TSPAN7: variants seen among roughly 807,000 people sequenced by gnomAD.
The protein encoded by TSPAN7 is tetraspanin 7.
In TSPAN7, 1 loss-of-function variant was observed where a neutral mutation model predicts 17.6. That is an observed-to-expected ratio of 0.06 (90% CI 0.02 to 0.27). The LOEUF (loss-of-function observed/expected upper bound fraction) is 0.27, where lower values mean the gene tolerates loss of function less well. Ranked by LOEUF, TSPAN7 falls within the 10% of genes least tolerant of loss-of-function variation. The pLI, the probability that TSPAN7 is intolerant of heterozygous loss-of-function variation, is 1.00. For missense variants in TSPAN7, 112 were observed against 201.7 expected, an observed-to-expected ratio of 0.56 and a Z score of 2.69; for synonymous variants, 78 against 79.0, an observed-to-expected ratio of 0.99 and a Z score of 0.07.
intron 1 of TSPAN7, among the ~76,000 whole-genome samples, chrX:38,569,524 T>C (rs779646193): frequency 1.8e-5 from 2 of 108,853 alleles, no homozygotes; most frequent in South Asian, 8.4e-4. Context: ...TAATTGTTTT[T>C]CGAAAAACTC....
At chrX:38,637,733 G>A (rs1329991466) in intron 1 of TSPAN7, among the ~76,000 whole-genome samples, 1 of 112,544 alleles carries the variant, frequency 8.9e-6, no homozygotes, top group African/African-American at 3.2e-5. Context: ...TGTGCCACAC[G>A]GGTGGTCCGT....
At chrX:38,586,134 T>C (rs2069257677) in intron 1 of TSPAN7, among the ~76,000 whole-genome samples, 1 of 112,605 alleles carries the variant, frequency 8.9e-6, no homozygotes, top group South Asian at 3.7e-4. Context: ...AGGCATTTTC[T>C]TTTAAGTCCT....
At chrX:38,596,484 A>C (rs777334232) in intron 1 of TSPAN7, among the ~76,000 whole-genome samples, 23 of 111,787 alleles carry the variant, frequency 2.1e-4, no homozygotes, top group Admixed American at 4.8e-4. Flanking sequence ...TTTAGTATCT[A>C]ATATATAACC....
chrX:38,588,750 C>G (rs2069273259), intron 1 of TSPAN7, among the ~76,000 whole-genome samples: 1 of 111,775 alleles, frequency 8.9e-6, no homozygotes, highest in African/African-American at 3.2e-5. Context: ...CATCCTCTGT[C>G]CCTTCTTCCT....
At chrX:38,661,899 G>T (rs772467624) in intron 1 of TSPAN7, among the ~76,000 whole-genome samples, 3 of 110,897 alleles carry the variant, frequency 2.7e-5, no homozygotes, top group African/African-American at 6.6e-5. Flanking sequence ...TCCTGTGGGT[G>T]CTTGCAAAAG....
intron 1 of TSPAN7, among the ~76,000 whole-genome samples, chrX:38,564,423 C>T (rs2069131078): frequency 8.9e-6 from 1 of 112,101 alleles, no homozygotes; most frequent in Non-Finnish European, 1.9e-5. Flanking sequence ...GGTCATTTAG[C>T]TATCATGGAT....
At chrX:38,573,836 G>T (rs188396174) in intron 1 of TSPAN7, among the ~76,000 whole-genome samples, 4 of 111,005 alleles carry the variant, frequency 3.6e-5, no homozygotes, top group African/African-American at 1.3e-4. Context: ...ATGTAGTTAT[G>T]TGCTCTGGGG....
chrX:38,647,156 A>G (rs891866534), intron 1 of TSPAN7, among the ~76,000 whole-genome samples: 2 of 112,563 alleles, frequency 1.8e-5, no homozygotes, highest in African/African-American at 6.5e-5. Context: ...AGAAGCTTCT[A>G]CTGGTTGGTT....
At chrX:38,662,806 G>T (rs114441053) in intron 1 of TSPAN7, among the ~76,000 whole-genome samples, 3,231 of 110,286 alleles carry the variant, frequency 0.029, 126 homozygotes, top group African/African-American at 0.1. Flanking sequence ...TCCTCTTCTG[G>T]TTATTCTTAG....
intron 1 of TSPAN7, among the ~76,000 whole-genome samples, chrX:38,625,137 G>C (rs1473154311): frequency 3.6e-5 from 4 of 111,177 alleles, no homozygotes; most frequent in Non-Finnish European, 5.7e-5. Context: ...CCAAGGCATG[G>C]AGCAGATACA....
intron 1 of TSPAN7, among the ~76,000 whole-genome samples, chrX:38,585,480 G>T (rs1247692705): frequency 9.0e-6 from 1 of 111,074 alleles, no homozygotes; most frequent in African/African-American, 3.3e-5. Context: ...AAAGATTTTT[G>T]ATTAATAAAT....
In TSPAN7 at chrX:38,642,758, G is replaced by A. The variant is rs763145454; in HGVS notation, c.82-23363G>A. ...TGCTTGGGTTCAAATCCTGTCCCTG[G>A]CATTTCCTGATCATGTAATCTTGGG... On this transcript the variant is annotated intron_variant, in intron 1 of 7. Coordinates refer to ENST00000378482, the MANE Select transcript of TSPAN7 (RefSeq NM_004615.4). 4.5e-5 allele frequency among the ~76,000 whole-genome samples: 5 copies of A among 111,774 alleles called. No homozygotes were observed. In the South Asian group the frequency reaches 1.9e-3, roughly 42 times the overall value.
rs1209823715 is a variant in TSPAN7, at chrX:38,609,010, C to A, written c.81+47383C>A. 4.5e-5 allele frequency among the ~76,000 whole-genome samples: 5 copies of A among 111,040 alleles called. No homozygotes were observed. In the East Asian group the frequency reaches 1.1e-3, roughly 25 times the overall value. On this transcript the variant is annotated intron_variant, in intron 1 of 7. Transcript: ENST00000378482. ...ACCTTTCTTGCACGTGCATTTTTCACATGAGTGTCCATTACTTCCTAAGGA... is the reference window on the plus strand; with the variant it reads ...ACCTTTCTTGCACGTGCATTTTTCAAATGAGTGTCCATTACTTCCTAAGGA...
chrX:38,646,260 A>G (rs2069645394), intron 1 of TSPAN7: 3 of 1,152,236 alleles, frequency 2.6e-6, no homozygotes, highest in Non-Finnish European at 3.4e-6. Flanking sequence ...TGTTCATAAA[A>G]GAAAGAAAAG....
At chrX:38,638,679 T>G (rs1203406686) in intron 1 of TSPAN7, among the ~76,000 whole-genome samples, 1 of 111,513 alleles carries the variant, frequency 9.0e-6, no homozygotes, top group Non-Finnish European at 1.9e-5. Flanking sequence ...ATATGGGCCT[T>G]GGGCACTCCA....
At chrX:38,605,957 C>T (rs1224573808) in intron 1 of TSPAN7, among the ~76,000 whole-genome samples, 3 of 103,957 alleles carry the variant, frequency 2.9e-5, no homozygotes, top group African/African-American at 1.1e-4. Context: ...CCATAAAAAC[C>T]CTAGAAGAAA....
chrX:38,629,562 C>G (rs1400005762), intron 1 of TSPAN7, among the ~76,000 whole-genome samples: 1 of 111,609 alleles, frequency 9.0e-6, no homozygotes, highest in Non-Finnish European at 1.9e-5. Context: ...TGGATGCATA[C>G]ACACGATAAA....
intron 1 of TSPAN7, among the ~76,000 whole-genome samples, chrX:38,608,034 TTA>T (rs2069394213): frequency 9.1e-6 from 1 of 110,290 alleles, no homozygotes; most frequent in South Asian, 3.9e-4. Context: ...ACCCCAGCCT[TTA>T]GGAAATATGG....
chrX:38,634,391 G>C (rs185625495), intron 1 of TSPAN7, among the ~76,000 whole-genome samples: 1 of 112,508 alleles, frequency 8.9e-6, no homozygotes, highest in African/African-American at 3.2e-5. Flanking sequence ...AAGAATTGCA[G>C]AATTTTGTAA....
Sources: gnomAD v4.1 joint callset for allele counts (sites outside exome capture counted in the v4.1 genomes callset) on GRCh38, gnomAD v4.1.1 for gene constraint, MANE v1.5 for transcripts, NCBI Gene and HGNC (gene_info 2026-07-23, HGNC 2026-07-21) for gene names.